STK3: variants seen among roughly 807,000 people sequenced by gnomAD.
STK3 encodes serine/threonine-protein kinase 3.
In STK3, 41 loss-of-function variants were observed where a neutral mutation model predicts 58.0. The observed-to-expected ratio is 0.71, with a 90% CI of 0.55 to 0.92. The LOEUF is 0.92. STK3 is among the 40% of genes least tolerant of loss of function. The probability of loss-of-function intolerance (pLI) is 0.00; values close to 1 mark genes in which losing one functional copy is unlikely to be tolerated. For synonymous variants in STK3, 170 were observed against 191.0 expected (o/e 0.89, Z 0.91); for missense variants, 479 against 602.7 (o/e 0.79, Z 2.15).
At chr8:98,499,711 A>G (rs1296651667) in intron 10 of STK3, among the ~76,000 whole-genome samples, 2 of 152,222 alleles carry the variant, frequency 1.3e-5, no homozygotes, top group Non-Finnish European at 2.9e-5. Flanking sequence ...GCAACATTTT[A>G]TTAGAAACTG....
chr8:98,561,861 A>C (rs1301351184), intron 8 of STK3, among the ~76,000 whole-genome samples: 1 of 152,190 alleles, frequency 6.6e-6, no homozygotes, highest in African/African-American at 2.4e-5. Flanking sequence ...AAAAATATTG[A>C]ACATACACTT....
chr8:98,544,267 AATCACTGATACGTTCCTC>A (rs1295946204), intron 9 of STK3, among the ~76,000 whole-genome samples: 4 of 152,192 alleles, frequency 2.6e-5, no homozygotes, highest in Non-Finnish European at 5.9e-5. Flanking sequence ...ACAGGATGTT[AATCACTGATACGTTCCTC>A]ATTAAAAGCT....
At chr8:98,696,488 T>C (rs910423087) in intron 6 of STK3, among the ~76,000 whole-genome samples, 4 of 151,932 alleles carry the variant, frequency 2.6e-5, no homozygotes, top group African/African-American at 9.7e-5. Flanking sequence ...ATATTGGCTG[T>C]GGGTTTGTCA....
chr8:98,427,866 G>A (rs1818260467), intron 3 of STK3: 1 of 851,190 alleles, frequency 1.2e-6, no homozygotes, highest in Admixed American at 2.9e-5. Context: ...GGGCCCGCCA[G>A]TAATGGGTAG....
At chr8:98,366,254 G>A (rs1350674514), downstream of STK3, among the ~76,000 whole-genome samples, 1 of 152,022 alleles carries the variant, frequency 6.6e-6, no homozygotes, top group East Asian at 1.9e-4. Flanking sequence ...TCTTTTCATA[G>A]GTATATTGGA....
chr8:98,739,331 T>C (rs1000209579), intron 4 of STK3, among the ~76,000 whole-genome samples: 3 of 152,114 alleles, frequency 2.0e-5, no homozygotes, highest in African/African-American at 7.2e-5. Flanking sequence ...GCAGCCTAAC[T>C]GGGAGGCACC....
At chr8:98,503,899 C>T (rs1052430662) in intron 10 of STK3, among the ~76,000 whole-genome samples, 1 of 152,306 alleles carries the variant, frequency 6.6e-6, no homozygotes, top group Admixed American at 6.5e-5. Flanking sequence ...ATGGAGAGTT[C>T]TGTAGATGTC....
At chr8:98,633,257 C>A (rs994944410) in intron 6 of STK3, among the ~76,000 whole-genome samples, 1 of 152,042 alleles carries the variant, frequency 6.6e-6, no homozygotes, top group Non-Finnish European at 1.5e-5. Context: ...GATAGTATGG[C>A]TAAAGGAAAG....
At chr8:98,920,455 G>A (rs185196118) in intron 1 of STK3, among the ~76,000 whole-genome samples, 101 of 152,302 alleles carry the variant, frequency 6.6e-4, no homozygotes, top group Middle Eastern at 6.8e-3. Context: ...CACCTGGCCC[G>A]TCCGGCTGGG....
chr8:98,936,723 A>C (rs1840212468), intron 1 of STK3, among the ~76,000 whole-genome samples: 1 of 152,190 alleles, frequency 6.6e-6, no homozygotes, highest in Admixed American at 6.5e-5. Flanking sequence ...TGTGTGCCTC[A>C]TGGCCTGGGA....
the STK3 span, among the ~76,000 whole-genome samples, chr8:98,360,325 C>T: frequency 6.6e-6 from 1 of 152,182 alleles, no homozygotes; most frequent in Non-Finnish European, 1.5e-5. Context: ...TGTGTAACTC[C>T]CTGCAGACCT....
At chr8:98,756,444 C>T (rs943077906) in intron 3 of STK3, among the ~76,000 whole-genome samples, 1 of 152,062 alleles carries the variant, frequency 6.6e-6, no homozygotes, top group Non-Finnish European at 1.5e-5. Flanking sequence ...TAGGCAGAAG[C>T]CTGACCATGA....
chr8:98,781,443 CG>C (rs1832082689), intron 1 of STK3, among the ~76,000 whole-genome samples: 1 of 151,128 alleles, frequency 6.6e-6, no homozygotes, highest in Non-Finnish European at 1.5e-5. Context: ...TTTCTTAAGG[CG>C]AAAAAAAATG....
intron 1 of STK3, among the ~76,000 whole-genome samples, chr8:98,383,677 T>TA (rs1391357156): frequency 2.0e-5 from 3 of 152,238 alleles, no homozygotes; most frequent in Admixed American, 2.0e-4. Flanking sequence ...ATATAGCCCA[T>TA]AAGCCAGCAG....
At chr8:98,643,978 G>A (rs2130632880) in intron 6 of STK3, among the ~76,000 whole-genome samples, 1 of 152,170 alleles carries the variant, frequency 6.6e-6, no homozygotes, top group Admixed American at 6.5e-5. Context: ...TCACACCACT[G>A]CACTCCAGCA....
intron 6 of STK3, among the ~76,000 whole-genome samples, chr8:98,695,035 T>C (rs898885190): frequency 1.1e-4 from 16 of 152,216 alleles, no homozygotes; most frequent in Admixed American, 7.2e-4. Flanking sequence ...TTTTTAATGA[T>C]TGCCATTCTA....
chr8:98,622,538 A>G (rs1422305447), intron 6 of STK3, among the ~76,000 whole-genome samples: 3 of 152,200 alleles, frequency 2.0e-5, no homozygotes, highest in African/African-American at 7.2e-5. Flanking sequence ...TGCAATGACA[A>G]TTCATCATGG....
chr8:98,919,934 A>C (rs1005666225), intron 1 of STK3, among the ~76,000 whole-genome samples: 9 of 152,212 alleles, frequency 5.9e-5, no homozygotes, highest in African/African-American at 2.2e-4. Flanking sequence ...TGTCCCCTGC[A>C]CATTTCTTGT....
intron 6 of STK3, among the ~76,000 whole-genome samples, chr8:98,611,535 T>C (rs1004767175): frequency 1.3e-5 from 2 of 152,092 alleles, no homozygotes; most frequent in South Asian, 2.1e-4. Context: ...CCAAATATGA[T>C]TGCCAGATAA....
Sources: gnomAD v4.1 joint callset for allele counts (sites outside exome capture counted in the v4.1 genomes callset) on GRCh38, gnomAD v4.1.1 for gene constraint, MANE v1.5 for transcripts, NCBI Gene and HGNC (gene_info 2026-07-23, HGNC 2026-07-21) for gene names.